IRAG1: variants seen among roughly 807,000 people sequenced by gnomAD.
The protein encoded by IRAG1 is inositol 1,4,5-triphosphate receptor associated 1, also known as IP3R-associated cGMP kinase substrate.
Under a neutral mutation model 106.2 loss-of-function variants are expected in IRAG1, and 62 were observed. That is an observed-to-expected ratio of 0.58 (90% CI 0.48 to 0.72). The LOEUF (loss-of-function observed/expected upper bound fraction) is 0.72. Among genes scored for constraint, IRAG1 ranks in the 30% least tolerant of loss-of-function variants. The pLI, the probability that IRAG1 is intolerant of heterozygous loss-of-function variation, is 0.00. For missense variants in IRAG1, 1,064 were observed against 1,140.7 expected, an observed-to-expected ratio of 0.93 and a Z score of 0.97; for synonymous variants, 462 against 443.9, an observed-to-expected ratio of 1.04 and a Z score of -0.51.
chr11:10,690,029 G>A (rs12418361), intron 1 of IRAG1, among the ~76,000 whole-genome samples: 3,376 of 152,264 alleles, frequency 0.022, 52 homozygotes, highest in Middle Eastern at 0.041. Context: ...GTAATAGGAA[G>A]AAAGTAACCA....
chr11:10,667,715 A>G (rs881870), intron 1 of IRAG1, among the ~76,000 whole-genome samples: 48,090 of 152,076 alleles, frequency 0.32, 7,801 homozygotes, highest in African/African-American at 0.36. Flanking sequence ...AAACATTTCA[A>G]TGGCTTTCTG....
At chr11:10,626,705 G>GC in intron 8 of IRAG1, 122 bp from the exon 9 acceptor site, 1 of 1,171,106 alleles carries the variant, frequency 8.5e-7, no homozygotes. Context: ...TTGTATAAGT[G>GC]TGTATGGGGT....
At chr11:10,682,536 C>T (rs1447259462) in intron 1 of IRAG1, among the ~76,000 whole-genome samples, 1 of 152,118 alleles carries the variant, frequency 6.6e-6, no homozygotes, top group Non-Finnish European at 1.5e-5. Context: ...GAACCCCAGA[C>T]CTGTTAGGAA....
intron 10 of IRAG1, among the ~76,000 whole-genome samples, chr11:10,615,849 G>A (rs1430530257): frequency 1.3e-5 from 2 of 151,162 alleles, no homozygotes; most frequent in African/African-American, 2.4e-5. Context: ...GAGTTAATGG[G>A]TGCAGCACAC....
chr11:10,630,632 C>T (rs936795529), intron 4 of IRAG1, among the ~76,000 whole-genome samples: 35 of 152,340 alleles, frequency 2.3e-4, no homozygotes, highest in African/African-American at 8.2e-4. Context: ...TGCCATTCTC[C>T]ACCTCATCTC....
In IRAG1 at chr11:10,626,219, G is replaced by T; in HGVS notation, c.1115C>A (p.Pro372His). Reference protein sequence around the residue: ...GRGPAGEPMGPEAGSKAELPP... With the variant: ...GRGPAGEPMGHEAGSKAELPP... ...AAGCTCAGCTTTGGAGCCAGCCTCGGGCCCCATCGGCTCTCCAGCTGGGCC... is the reference window on the plus strand; with the variant it reads ...AAGCTCAGCTTTGGAGCCAGCCTCGTGCCCCATCGGCTCTCCAGCTGGGCC... The change falls in exon 9 of 21, where the codon CCC becomes CAC. Residue 372 changes from proline (P) to histidine (H), a missense_variant. Transcript: ENST00000423302. 6.3e-7 allele frequency: 1 copy of T among 1,593,104 alleles called. No individual in the cohort carries two copies.
chr11:10,591,541 A>C lies in IRAG1; in HGVS notation c.2240+7T>G. 1 of 1,588,844 alleles carries C rather than the reference A, an allele frequency of 6.3e-7. No homozygotes were observed. Among genetic ancestry groups the C allele is most frequent in the Non-Finnish European group, 8.6e-7 (1 of 1,167,326 alleles). On this transcript the variant is annotated splice_region_variant and intron_variant, in intron 18 of 20. Transcript: ENST00000423302. ...CCTGAAGCCAAGAGGAAAATCGACA[A>C]ACTTACTTTTCCAAAAGTGCAGGCA...
intron 2 of IRAG1, among the ~76,000 whole-genome samples, chr11:10,649,101 G>A (rs1858233615): frequency 6.6e-6 from 1 of 152,184 alleles, no homozygotes; most frequent in Admixed American, 6.5e-5. Context: ...ATGCTCCCAG[G>A]GACTCAGGTT....
At chr11:10,639,361 C>A (rs544707171) in intron 2 of IRAG1, among the ~76,000 whole-genome samples, 1 of 152,172 alleles carries the variant, frequency 6.6e-6, no homozygotes, top group Admixed American at 6.5e-5. Flanking sequence ...ATATCCCTAG[C>A]AGACAAGGAG....
chr11:10,671,378 C>A (rs901945272), intron 1 of IRAG1, among the ~76,000 whole-genome samples: 1 of 152,196 alleles, frequency 6.6e-6, no homozygotes, highest in Non-Finnish European at 1.5e-5. Flanking sequence ...TAAAGCAATT[C>A]TATTCACAAT....
intron 2 of IRAG1, among the ~76,000 whole-genome samples, chr11:10,640,302 C>T (rs946623654): frequency 6.6e-6 from 1 of 152,176 alleles, no homozygotes; most frequent in Non-Finnish European, 1.5e-5. Context: ...AGCAGGTAAC[C>T]GCAGACACTC....
chr11:10,689,810 A>G (rs1239808924), intron 1 of IRAG1, among the ~76,000 whole-genome samples: 1 of 152,258 alleles, frequency 6.6e-6, no homozygotes. Context: ...CAAAATATAG[A>G]GAAATGTAAA....
At chr11:10,651,674 G>A (rs1368959280) in intron 2 of IRAG1, among the ~76,000 whole-genome samples, 3 of 151,756 alleles carry the variant, frequency 2.0e-5, no homozygotes, top group South Asian at 2.1e-4. Context: ...GCCTTTTCTC[G>A]TGCCCACTCA....
intron 2 of IRAG1, among the ~76,000 whole-genome samples, chr11:10,642,801 C>A (rs1014164722): frequency 6.6e-6 from 1 of 152,162 alleles, no homozygotes; most frequent in African/African-American, 2.4e-5. Context: ...GCCTGGAGGG[C>A]AAACAGGGAC....
At position 10,621,351 on chromosome 11, in the gene IRAG1, C is replaced by A. The variant is rs967508616; in HGVS notation, c.1447+2427G>T. 2.6e-5 allele frequency among the ~76,000 whole-genome samples: 4 copies of A among 152,184 alleles called. No individual in the cohort carries two copies. The South Asian group carries it at 6.2e-4, about 24-fold the overall frequency. ...GTTAGTGACATCCTGGACACATTCA[C>A]CCAAGAATCCATAGGGCTCTTATGC... On this transcript the variant is annotated intron_variant, in intron 10 of 20. Transcript: ENST00000423302.
intron 1 of IRAG1, among the ~76,000 whole-genome samples, chr11:10,658,074 T>G (rs1859066626): frequency 6.6e-6 from 1 of 152,256 alleles, no homozygotes; most frequent in Non-Finnish European, 1.5e-5. Flanking sequence ...GTTCTTGCTC[T>G]CATGCTCTCA....
chr11:10,692,919 G>T (rs942557686), intron 1 of IRAG1, among the ~76,000 whole-genome samples: 3 of 152,200 alleles, frequency 2.0e-5, no homozygotes, highest in African/African-American at 4.8e-5. Context: ...GAGCAGGGCC[G>T]GGCACGGGCC....
At chr11:10,681,909 C>T (rs1466589544) in intron 1 of IRAG1, among the ~76,000 whole-genome samples, 1 of 152,132 alleles carries the variant, frequency 6.6e-6, no homozygotes, top group African/African-American at 2.4e-5. Flanking sequence ...TGATCTAACC[C>T]TTTTTGAAAT....
rs191798408 is a variant in IRAG1 at position 10,628,541 on chromosome 11, G to A, written c.652+210C>T. Among the ~76,000 whole-genome samples, 1 of 152,314 alleles carries A rather than the reference G, an allele frequency of 6.6e-6. No individual in the cohort carries two copies. The highest frequency in any genetic ancestry group is 1.9e-4 in the East Asian group (1 of 5,176). ...GGGGTACACCTGCCTCCCGACACAAGCCCAAGATGCTAACAGAAAGTCTAT... is the reference window on the plus strand; with the variant it reads ...GGGGTACACCTGCCTCCCGACACAAACCCAAGATGCTAACAGAAAGTCTAT... On this transcript the variant is annotated intron_variant, in intron 6 of 20. Coordinates refer to ENST00000423302, the MANE Select transcript of IRAG1 (RefSeq NM_130385.4). This position sits in a 1 kb window ranked among gnomAD's most constrained non-coding sequence, Gnocchi z 4.1.
Sources: allele counts gnomAD v4.1 joint callset (sites outside exome capture counted in the v4.1 genomes callset), GRCh38; gene constraint gnomAD v4.1.1; non-coding constraint Gnocchi (gnomAD v3.1); transcripts MANE v1.5; gene names NCBI Gene and HGNC (gene_info 2026-07-23, HGNC 2026-07-21).